Variants in KLF12 observed in about 807,000 individuals in gnomAD.
KLF12 encodes Krueppel-like factor 12.
A neutral mutation model predicts 37.8 loss-of-function variants in KLF12; 9 were observed. The observed-to-expected ratio is 0.24, with a 90% confidence interval of 0.14 to 0.42. The LOEUF is 0.42. KLF12 is among the 10% of genes least tolerant of loss of function. The pLI, the probability that KLF12 is intolerant of heterozygous loss-of-function variation, is 1.00. For missense variants in KLF12, 411 were observed against 516.0 expected, an observed-to-expected ratio of 0.80 and a Z score of 1.97; for synonymous variants, 208 against 202.1, an observed-to-expected ratio of 1.03 and a Z score of -0.25.
chr13:74,112,417 T>TGTG (rs1877035939), intron 1 of KLF12, among the ~76,000 whole-genome samples: 1 of 151,936 alleles, frequency 6.6e-6, no homozygotes, highest in Non-Finnish European at 1.5e-5. Flanking sequence ...TGTGTGTGTG[T>TGTG]GTTTTGTTTT....
the KLF12 span, among the ~76,000 whole-genome samples, chr13:74,176,944 C>T: frequency 2.6e-5 from 4 of 152,258 alleles, no homozygotes; most frequent in East Asian, 5.8e-4. Flanking sequence ...GGATATTACC[C>T]TTGCCTCTCA....
intron 3 of KLF12, among the ~76,000 whole-genome samples, chr13:73,923,575 A>G (rs1889227215): frequency 6.6e-6 from 1 of 152,178 alleles, no homozygotes; most frequent in Admixed American, 6.5e-5. Context: ...GTCACTTTTT[A>G]ATTGTTCCAT....
At chr13:73,998,555 G>T (rs1892182965) in intron 1 of KLF12, among the ~76,000 whole-genome samples, 1 of 152,150 alleles carries the variant, frequency 6.6e-6, no homozygotes, top group Non-Finnish European at 1.5e-5. Context: ...TTATGATCTT[G>T]TGTTTTCCAG....
intron 1 of KLF12, among the ~76,000 whole-genome samples, chr13:74,112,377 GCAGATAT>G (rs1877025216): frequency 3.1e-5 from 3 of 95,682 alleles, no homozygotes; most frequent in Non-Finnish European, 6.3e-5. Context: ...ACTGCACTTT[GCAGATAT>G]TGTCTGTGTG....
the KLF12 span, among the ~76,000 whole-genome samples, chr13:74,283,120 C>A: frequency 2.0e-5 from 3 of 152,174 alleles, no homozygotes; most frequent in African/African-American, 4.8e-5. Flanking sequence ...TTCCAACCTA[C>A]CAAATTGGAG....
the KLF12 span, among the ~76,000 whole-genome samples, chr13:74,263,412 G>T: frequency 6.6e-6 from 1 of 152,282 alleles, no homozygotes; most frequent in South Asian, 2.1e-4. Flanking sequence ...ATGAATATAT[G>T]CCCCAGTAGA....
chr13:73,967,067 C>T (rs1891188582), intron 2 of KLF12, among the ~76,000 whole-genome samples: 4 of 152,134 alleles, frequency 2.6e-5, no homozygotes, highest in Admixed American at 2.6e-4. Context: ...TTTAAAAAGG[C>T]CTCTAATTTT....
intron 2 of KLF12, among the ~76,000 whole-genome samples, chr13:73,983,416 T>A (rs1891740160): frequency 6.6e-6 from 1 of 152,226 alleles, no homozygotes; most frequent in African/African-American, 2.4e-5. Context: ...TTCTGGTTCG[T>A]GAACCTCTGT....
intron 4 of KLF12, 63 bp from the exon 5 acceptor site, chr13:73,813,350 G>C: frequency 6.4e-7 from 1 of 1,566,272 alleles, no homozygotes; most frequent in East Asian, 2.2e-5. Flanking sequence ...CCTTGTCCTG[G>C]ACCAACATCA....
chr13:73,709,756 T>C (rs1231096018), intron 7 of KLF12, among the ~76,000 whole-genome samples: 1 of 152,212 alleles, frequency 6.6e-6, no homozygotes, highest in Non-Finnish European at 1.5e-5. Context: ...CATTTAGATT[T>C]AACTGTGAGG....
intron 3 of KLF12, among the ~76,000 whole-genome samples, chr13:73,913,213 T>C (rs1888657831): frequency 6.6e-6 from 1 of 152,200 alleles, no homozygotes. Flanking sequence ...ATTTTCACAC[T>C]TTCTTCTTCC....
At chr13:74,012,913 A>G (rs984420492) in intron 1 of KLF12, among the ~76,000 whole-genome samples, 4 of 152,238 alleles carry the variant, frequency 2.6e-5, no homozygotes, top group African/African-American at 9.6e-5. Context: ...TCCCTGCCTT[A>G]CTTCGATAGA....
At chr13:74,088,818 G>C (rs1424715367) in intron 1 of KLF12, among the ~76,000 whole-genome samples, 1 of 152,130 alleles carries the variant, frequency 6.6e-6, no homozygotes, top group Non-Finnish European at 1.5e-5. Flanking sequence ...ATAGGGTCTT[G>C]AATGTGAAAG....
intron 6 of KLF12, among the ~76,000 whole-genome samples, chr13:73,733,438 C>T (rs1178728444): frequency 6.6e-6 from 1 of 152,150 alleles, no homozygotes; most frequent in Non-Finnish European, 1.5e-5. Flanking sequence ...TCTTATTTCA[C>T]TTAGCATAAA....
At chr13:74,094,866 C>T (rs148538456) in intron 1 of KLF12, among the ~76,000 whole-genome samples, 55 of 152,244 alleles carry the variant, frequency 3.6e-4, no homozygotes, top group Non-Finnish European at 6.3e-4. Flanking sequence ...TCCCAAAGTG[C>T]TGAGATTACA....
intron 5 of KLF12, among the ~76,000 whole-genome samples, chr13:73,799,256 G>A (rs532118339): frequency 1.3e-5 from 2 of 152,200 alleles, no homozygotes; most frequent in Admixed American, 6.5e-5. Flanking sequence ...GGGTCTACCT[G>A]AAGGTGATGA....
chr13:74,286,202 CTTCT>C, the KLF12 span, among the ~76,000 whole-genome samples: 1 of 152,088 alleles, frequency 6.6e-6, no homozygotes, highest in African/African-American at 2.4e-5. Flanking sequence ...CCTTTCTTCT[CTTCT>C]TTCTAAGAGG....
chr13:73,868,328 G>T (rs1886285866), intron 3 of KLF12, among the ~76,000 whole-genome samples: 1 of 15,716 alleles, frequency 6.4e-5, no homozygotes, highest in Non-Finnish European at 2.0e-4. Flanking sequence ...CGGGGGCGGT[G>T]GGGGGGGGGG....
intron 2 of KLF12, among the ~76,000 whole-genome samples, chr13:73,985,890 A>T (rs1465968082): frequency 1.3e-5 from 2 of 152,230 alleles, no homozygotes; most frequent in African/African-American, 2.4e-5. Context: ...ACTACCCTGA[A>T]AGAGGCAACA....
Sources: gnomAD v4.1 joint callset for allele counts (sites outside exome capture counted in the v4.1 genomes callset) on GRCh38, gnomAD v4.1.1 for gene constraint, MANE v1.5 for transcripts, NCBI Gene and HGNC (gene_info 2026-07-23, HGNC 2026-07-21) for gene names.